Variants in PPFIA1 observed in about 807,000 individuals in gnomAD.
PPFIA1 encodes the protein PPFI scaffold protein A1.
Under a neutral mutation model 149.9 loss-of-function variants are expected in PPFIA1, and 25 were observed. That is an observed-to-expected ratio of 0.17 (90% CI 0.12 to 0.23). The LOEUF (loss-of-function observed/expected upper bound fraction) is 0.23. Among genes scored for constraint, PPFIA1 ranks in the 10% least tolerant of loss-of-function variants. The probability of loss-of-function intolerance (pLI) is 1.00; values close to 1 mark genes in which losing one functional copy is unlikely to be tolerated. For missense variants in PPFIA1, 1,362 were observed against 1,506.5 expected (o/e 0.90, Z 1.59); for synonymous variants, 549 against 552.8 (o/e 0.99, Z 0.10).
At chr11:70,365,294 G>C (rs1475791069) in intron 21 of PPFIA1, 1 of 434,958 alleles carries the variant, frequency 2.3e-6, no homozygotes, top group African/African-American at 2.0e-5. Flanking sequence ...CTGTGCCTGT[G>C]GCTTATGCGT....
rs535218853 is a variant in PPFIA1 at position 70,330,308 on chromosome 11, A to G, written c.1066A>G (p.Met356Val). Residue 356 changes from methionine to valine, a missense_variant, in exon 8 of 28, where the codon ATG becomes GTG. Physicochemically the swap from Met to Val is conservative, Grantham distance 21. Coordinates refer to ENST00000253925, the MANE Select transcript of PPFIA1 (RefSeq NM_003626.5). ...LENEIANKDS[M>V]HRQTEDKNRQ... ...AAATGAAATTGCAAATAAAGATTCT[A>G]TGCATCGACAGGTAATGGATTTTAT... is the stretch of plus-strand genomic sequence containing the variant. 1.3e-5 allele frequency: 20 copies of G among 1,581,582 alleles called. No individual in the cohort carries two copies. The highest frequency in any genetic ancestry group is 3.9e-5 in the Admixed American group (2 of 50,836).
intron 10 of PPFIA1, among the ~76,000 whole-genome samples, chr11:70,333,838 C>T (rs1253245048): frequency 6.6e-6 from 1 of 152,168 alleles, no homozygotes; most frequent in African/African-American, 2.4e-5. Flanking sequence ...AGCGGCCTAT[C>T]AGGGGAACTG....
At chr11:70,314,208 C>G (rs1373517011) in intron 2 of PPFIA1, among the ~76,000 whole-genome samples, 1 of 152,060 alleles carries the variant, frequency 6.6e-6, no homozygotes, top group East Asian at 1.9e-4. Context: ...TGGGGGTGAA[C>G]AGTCAGAGGC....
intron 24 of PPFIA1, 33 bp from the exon 25 acceptor site, chr11:70,376,499 A>G (rs775100596): frequency 6.3e-7 from 1 of 1,580,226 alleles, no homozygotes; most frequent in Non-Finnish European, 8.7e-7. Flanking sequence ...AGATTTGATG[A>G]AAGTTTTATT....
chr11:70,338,584 G>C, intron 13 of PPFIA1, 131 bp downstream of exon 13: 2 of 676,372 alleles, frequency 3.0e-6, no homozygotes, highest in East Asian at 2.7e-5. Flanking sequence ...TAGGAAGCGA[G>C]AGAGAAAAGT....
rs1334930187 is a variant in PPFIA1, at chr11:70,331,919, G to C, written c.1078-41G>C. The C allele has an allele frequency of 1.9e-6, 3 of 1,580,408 alleles. No individual in the cohort carries two copies. In the South Asian group the frequency reaches 3.5e-5, roughly 18 times the overall value. On this transcript the variant is annotated intron_variant, in intron 8 of 27. Coordinates refer to ENST00000253925, the MANE Select transcript of PPFIA1 (RefSeq NM_003626.5). ...CAATCTGTTAAAAACTGATCAGCTAGAAGATTTGTTGCATTTTGATGCTTT... is the reference window on the plus strand; with the variant it reads ...CAATCTGTTAAAAACTGATCAGCTACAAGATTTGTTGCATTTTGATGCTTT...
chr11:70,288,959 A>G (rs544701628), intron 2 of PPFIA1, among the ~76,000 whole-genome samples: 4 of 144,878 alleles, frequency 2.8e-5, no homozygotes, highest in Admixed American at 2.1e-4. Flanking sequence ...CGGGGGTAGC[A>G]TCTGGTTGTT....
In PPFIA1 at chr11:70,362,288, C is replaced by G. The variant is rs748194805; in HGVS notation, c.2665C>G (p.Leu889Val). Reference protein sequence around the residue: ...DGPTVVVWLELWVGMPAWYVA... With the variant: ...DGPTVVVWLEVWVGMPAWYVA... ...CCTTCCTTCCGCTTTCCGCCTCCAG[C>G]TCTGGGTTGGGATGCCAGCCTGGTA... The change falls in exon 21 of 28, where the codon CTC becomes GTC. Residue 889 changes from leucine (L) to valine (V), a missense_variant and splice_region_variant. By Grantham distance (32) the Leu-to-Val change is conservative (BLOSUM62 1). This residue lies in a region of PPFIA1 where 91 missense variants were observed against 91.2 expected (regional missense o/e 1.00). Transcript: ENST00000253925. 1.2e-6 allele frequency: 2 copies of G among 1,613,942 alleles called. No homozygotes were observed. The highest frequency in any genetic ancestry group is 2.7e-5 in the African/African-American group (2 of 74,942).
intron 2 of PPFIA1, among the ~76,000 whole-genome samples, chr11:70,317,484 C>A (rs1244135323): frequency 6.6e-6 from 1 of 152,104 alleles, no homozygotes; most frequent in Non-Finnish European, 1.5e-5. Flanking sequence ...CAGCAGTATA[C>A]CATAGAATAG....
At chr11:70,284,744 G>A (rs2050993019) in intron 2 of PPFIA1, among the ~76,000 whole-genome samples, 1 of 152,138 alleles carries the variant, frequency 6.6e-6, no homozygotes, top group Admixed American at 6.5e-5. Flanking sequence ...GGGGCTACTT[G>A]AGCAAAGGCC....
intron 15 of PPFIA1, chr11:70,345,946 G>A (rs2055673409): frequency 2.2e-6 from 1 of 454,520 alleles, no homozygotes; most frequent in African/African-American, 2.0e-5. Context: ...GGAGTGCACG[G>A]CTCCACTCCA....
At chr11:70,304,133 A>G (rs534716450) in intron 2 of PPFIA1, among the ~76,000 whole-genome samples, 41 of 152,358 alleles carry the variant, frequency 2.7e-4, no homozygotes, top group African/African-American at 9.9e-4. Context: ...CCAGTGGCCA[A>G]TGATGTTAAT....
At chr11:70,350,556 T>C (rs1198823991) in intron 16 of PPFIA1, among the ~76,000 whole-genome samples, 1 of 152,212 alleles carries the variant, frequency 6.6e-6, no homozygotes, top group East Asian at 1.9e-4. Context: ...GGATTTTACA[T>C]TAATGTCCAA....
chr11:70,313,091 C>T (rs952140408), intron 2 of PPFIA1, among the ~76,000 whole-genome samples: 4 of 152,058 alleles, frequency 2.6e-5, no homozygotes, highest in African/African-American at 7.2e-5. Flanking sequence ...GCATGTTGAG[C>T]GAGCTGTAGA....
At chr11:70,280,432 G>A (rs1206783382) in intron 2 of PPFIA1, among the ~76,000 whole-genome samples, 1 of 151,964 alleles carries the variant, frequency 6.6e-6, no homozygotes, top group Non-Finnish European at 1.5e-5. Context: ...AGCCGGGCAT[G>A]GTGGCACATG....
intron 24 of PPFIA1, chr11:70,375,382 A>C (rs2057451730): frequency 7.9e-6 from 2 of 254,448 alleles, no homozygotes; most frequent in Non-Finnish European, 1.5e-5. Context: ...AAGTGTTTTT[A>C]GGTGTGCCAC....
At chr11:70,369,404 G>A (rs2057117915) in intron 21 of PPFIA1, among the ~76,000 whole-genome samples, 1 of 151,986 alleles carries the variant, frequency 6.6e-6, no homozygotes, top group South Asian at 2.1e-4. Context: ...CATATTTTTG[G>A]ATCTGCCTGA....
intron 2 of PPFIA1, among the ~76,000 whole-genome samples, chr11:70,280,216 GTA>G (rs113468773): frequency 7.0e-6 from 1 of 143,238 alleles, no homozygotes. Context: ...ATATATGTGT[GTA>G]TATATATATA....
In PPFIA1 at chr11:70,292,382, C is replaced by T. The variant is rs540537762; in HGVS notation, c.264+19946C>T. 8.7e-4 allele frequency among the ~76,000 whole-genome samples: 133 copies of T among 152,316 alleles called. No homozygotes were observed. The Middle Eastern group carries it at 0.014, about 16-fold the overall frequency. On this transcript the variant is annotated intron_variant, in intron 2 of 27. Coordinates refer to ENST00000253925, the MANE Select transcript of PPFIA1 (RefSeq NM_003626.5). ...CTGTGTGGATTCCCACATTGGAGCG[C>T]GGGCTGGGTGGGTGGCAAGGAGAGC...
Sources: gnomAD v4.1 joint callset for allele counts (sites outside exome capture counted in the v4.1 genomes callset) on GRCh38, gnomAD v4.1.1 for gene constraint, gnomAD v4.1.1 regional missense constraint, MANE v1.5 for transcripts, NCBI Gene and HGNC (gene_info 2026-07-23, HGNC 2026-07-21) for gene names.